The following LRMDA variants were observed in gnomAD, a reference collection of about 807,000 sequenced individuals.
The protein encoded by LRMDA is leucine-rich melanocyte differentiation-associated protein.
LRMDA carries 18 observed loss-of-function variants against 29.8 expected under a neutral mutation model. That is an observed-to-expected ratio of 0.60 (90% confidence interval 0.42 to 0.90). The LOEUF (loss-of-function observed/expected upper bound fraction) is 0.90. Ranked by LOEUF, LRMDA falls within the 40% of genes least tolerant of loss-of-function variation. The probability of loss-of-function intolerance (pLI) is 0.00; values close to 1 mark genes in which losing one functional copy is unlikely to be tolerated. For missense variants in LRMDA, 273 were observed against 273.9 expected (o/e 1.00, Z 0.02); for synonymous variants, 125 against 109.4 (o/e 1.14, Z -0.89).
intron 5 of LRMDA, among the ~76,000 whole-genome samples, chr10:76,257,503 T>G (rs1459869684): frequency 6.6e-6 from 1 of 151,910 alleles, no homozygotes; most frequent in African/African-American, 2.4e-5. Context: ...CTGGCTAATT[T>G]TTGTATTTTT....
chr10:75,844,441 G>A (rs1311489433), intron 2 of LRMDA, among the ~76,000 whole-genome samples: 1 of 152,150 alleles, frequency 6.6e-6, no homozygotes, highest in African/African-American at 2.4e-5. Context: ...TAATGTTGAA[G>A]CCCAAAAGAA....
chr10:75,762,673 G>A (rs538744585), intron 2 of LRMDA, among the ~76,000 whole-genome samples: 1 of 152,300 alleles, frequency 6.6e-6, no homozygotes, highest in Non-Finnish European at 1.5e-5. Context: ...GTAAAATGGG[G>A]TTAATAAGAA....
At chr10:76,540,611 TAG>T (rs886630201) in intron 6 of LRMDA, among the ~76,000 whole-genome samples, 1 of 152,056 alleles carries the variant, frequency 6.6e-6, no homozygotes, top group Non-Finnish European at 1.5e-5. Flanking sequence ...ACACACACAA[TAG>T]AGTCATTGGA....
chr10:75,694,335 A>G (rs887849844), intron 2 of LRMDA, among the ~76,000 whole-genome samples: 1 of 152,170 alleles, frequency 6.6e-6, no homozygotes, highest in Non-Finnish European at 1.5e-5. Context: ...ATAGTGGGCA[A>G]AATGCATTTG....
intron 5 of LRMDA, among the ~76,000 whole-genome samples, chr10:76,080,337 A>G (rs1275293730): frequency 6.6e-6 from 1 of 152,184 alleles, no homozygotes; most frequent in Non-Finnish European, 1.5e-5. Flanking sequence ...AATGTATCTC[A>G]TCTACCTTCT....
At chr10:75,745,955 T>A (rs1270395500) in intron 2 of LRMDA, among the ~76,000 whole-genome samples, 1 of 152,240 alleles carries the variant, frequency 6.6e-6, no homozygotes, top group Non-Finnish European at 1.5e-5. Context: ...CACACAGGTA[T>A]CACATTATCT....
At chr10:75,561,809 A>G (rs1054636536) in intron 2 of LRMDA, among the ~76,000 whole-genome samples, 9 of 152,004 alleles carry the variant, frequency 5.9e-5, no homozygotes, top group Non-Finnish European at 1.2e-4. Context: ...ATTCAGGAGC[A>G]GGTTGTTCAG....
At chr10:76,529,274 G>T (rs1175344248) in intron 6 of LRMDA, among the ~76,000 whole-genome samples, 4 of 152,046 alleles carry the variant, frequency 2.6e-5, no homozygotes, top group African/African-American at 4.8e-5. Flanking sequence ...AGTTGTGAAG[G>T]TCTTTTGGAA....
At chr10:76,155,075 A>G (rs1470925057) in intron 5 of LRMDA, among the ~76,000 whole-genome samples, 2 of 152,216 alleles carry the variant, frequency 1.3e-5, no homozygotes, top group Non-Finnish European at 2.9e-5. Flanking sequence ...TATTTCCTAG[A>G]GAAGAATGAG....
rs577382214 is a variant in LRMDA, at chr10:75,802,384, G to C, written c.132-233624G>C. On this transcript the variant is annotated intron_variant, in intron 2 of 6. Transcript: ENST00000611255. ...ACACACACAATAGGGAAGGAAACTT[G>C]ATTAAGGAAGGCCGGTCTAGCATAA... Among the ~76,000 whole-genome samples the C allele has an allele frequency of 2.6e-5, 4 of 151,454 alleles. No individual in the cohort carries two copies. The South Asian group carries it at 8.3e-4, about 32-fold the overall frequency.
At chr10:76,512,365 G>A (rs891273518) in intron 6 of LRMDA, among the ~76,000 whole-genome samples, 56 of 152,184 alleles carry the variant, frequency 3.7e-4, no homozygotes, top group African/African-American at 1.3e-3. Context: ...TATAGTACTA[G>A]TATGAGGATA....
intron 2 of LRMDA, among the ~76,000 whole-genome samples, chr10:75,478,194 T>A (rs1844818162): frequency 6.6e-6 from 1 of 152,186 alleles, no homozygotes; most frequent in Non-Finnish European, 1.5e-5. Context: ...TCCCCCAAGA[T>A]TACAACTTGC....
chr10:75,906,122 A>G (rs1208612969), intron 2 of LRMDA, among the ~76,000 whole-genome samples: 1 of 151,576 alleles, frequency 6.6e-6, no homozygotes, highest in African/African-American at 2.4e-5. Flanking sequence ...TCATCTTTCA[A>G]ATGGTGATCA....
At chr10:75,456,213 C>T (rs1043321100) in intron 2 of LRMDA, among the ~76,000 whole-genome samples, 1 of 152,162 alleles carries the variant, frequency 6.6e-6, no homozygotes, top group Admixed American at 6.5e-5. Flanking sequence ...TGAGCAGGGC[C>T]TGCGTTTCGG....
intron 2 of LRMDA, among the ~76,000 whole-genome samples, chr10:75,565,919 T>G (rs1222238533): frequency 6.6e-6 from 1 of 151,946 alleles, no homozygotes; most frequent in Non-Finnish European, 1.5e-5. Context: ...TATAAAAAAT[T>G]TAAAAATTAG....
At chr10:75,813,941 A>C (rs1417689777) in intron 2 of LRMDA, among the ~76,000 whole-genome samples, 1 of 152,228 alleles carries the variant, frequency 6.6e-6, no homozygotes, top group Non-Finnish European at 1.5e-5. Context: ...ACCTTGATGA[A>C]AATCGAAGCA....
chr10:75,560,545 C>A (rs1460820041), intron 2 of LRMDA, among the ~76,000 whole-genome samples: 1 of 151,632 alleles, frequency 6.6e-6, no homozygotes, highest in Admixed American at 6.6e-5. Context: ...TGCCTAATTG[C>A]CCTGGTCAGA....
intron 6 of LRMDA, among the ~76,000 whole-genome samples, chr10:76,443,554 G>C (rs535126482): frequency 6.6e-6 from 1 of 152,066 alleles, no homozygotes; most frequent in African/African-American, 2.4e-5. Context: ...AAAACTAAGG[G>C]GTCTCACCAG....
chr10:75,801,915 G>A (rs1280227154), intron 2 of LRMDA, among the ~76,000 whole-genome samples: 1 of 152,188 alleles, frequency 6.6e-6, no homozygotes, highest in Non-Finnish European at 1.5e-5. Flanking sequence ...TTTGTTGAGA[G>A]CTTCGTATGT....
Sources: allele counts gnomAD v4.1 joint callset (sites outside exome capture counted in the v4.1 genomes callset), GRCh38; gene constraint gnomAD v4.1.1; transcripts MANE v1.5; gene names NCBI Gene and HGNC (gene_info 2026-07-23, HGNC 2026-07-21).